Variants in WWOX observed in about 807,000 individuals in gnomAD.
WWOX encodes the protein WW domain containing oxidoreductase.
In WWOX, 69 loss-of-function variants were observed where a neutral mutation model predicts 46.2. The observed-to-expected ratio is 1.49, with a 90% CI of 1.23 to 1.82. The LOEUF is 1.82. WWOX is among the 40% of genes most tolerant of loss of function. WWOX has a pLI of 0.00. For synonymous variants in WWOX, 359 were observed against 202.6 expected (o/e 1.77, Z -6.56); for missense variants, 919 against 542.6 (o/e 1.69, Z -6.89).
At chr16:78,296,812 A>G (rs534676457) in intron 5 of WWOX, among the ~76,000 whole-genome samples, 1 of 152,184 alleles carries the variant, frequency 6.6e-6, no homozygotes, top group South Asian at 2.1e-4. Context: ...GAATTGATGC[A>G]CCTAAAGGAG....
intron 8 of WWOX, among the ~76,000 whole-genome samples, chr16:78,700,312 C>CAGAGAGAGAGAGAGAG (rs55638553): frequency 5.4e-5 from 7 of 130,550 alleles, no homozygotes; most frequent in African/African-American, 2.0e-4. Context: ...ACTTAGTAGA[C>CAGAGAGAGAGAGAGAG]AGAGAGAGAG....
intron 8 of WWOX, chr16:78,890,244 T>G (rs2044559755): frequency 2.0e-5 from 3 of 151,914 alleles, no homozygotes; most frequent in Non-Finnish European, 4.4e-5. Context: ...ATGGAAGTTC[T>G]GAAAATAAAT....
At chr16:78,587,976 T>C (rs2045258460) in intron 8 of WWOX, among the ~76,000 whole-genome samples, 1 of 152,240 alleles carries the variant, frequency 6.6e-6, no homozygotes, top group African/African-American at 2.4e-5. Context: ...TCACCTGGTC[T>C]TTTGTAGTTG....
At chr16:79,192,980 T>G (rs1430100835) in intron 8 of WWOX, among the ~76,000 whole-genome samples, 4 of 152,238 alleles carry the variant, frequency 2.6e-5, no homozygotes, top group Admixed American at 6.5e-5. Context: ...CTCACATTCC[T>G]TTCTGCTACT....
At chr16:78,974,110 T>C (rs543001933) in intron 8 of WWOX, among the ~76,000 whole-genome samples, 37 of 152,366 alleles carry the variant, frequency 2.4e-4, no homozygotes, top group African/African-American at 8.7e-4. Context: ...ACTCTCCTCA[T>C]TTCTGCGCTT....
chr16:78,179,634 C>G (rs1042849486), intron 5 of WWOX: 1 of 152,140 alleles, frequency 6.6e-6, no homozygotes, highest in African/African-American at 2.4e-5. Flanking sequence ...GTGCTAAGCA[C>G]TTTAAATGCA....
chr16:78,302,897 A>T (rs1481598641), intron 5 of WWOX, among the ~76,000 whole-genome samples: 1 of 152,190 alleles, frequency 6.6e-6, no homozygotes, highest in African/African-American at 2.4e-5. Context: ...TGCTGCAGGA[A>T]ATTTCCCTGT....
At chr16:78,874,502 C>T (rs1433294091) in intron 8 of WWOX, among the ~76,000 whole-genome samples, 2 of 151,958 alleles carry the variant, frequency 1.3e-5, no homozygotes, top group South Asian at 2.1e-4. Context: ...GATGTGGTGC[C>T]TGGCCAGGGC....
intron 8 of WWOX, among the ~76,000 whole-genome samples, chr16:78,488,992 C>T (rs77079021): frequency 0.047 from 7,112 of 152,266 alleles, 254 homozygotes; most frequent in Non-Finnish European, 0.07. Flanking sequence ...CACAGAACTT[C>T]GCAGTCTCTG....
chr16:78,178,417 T>A (rs1432886760), intron 5 of WWOX, among the ~76,000 whole-genome samples: 2 of 152,238 alleles, frequency 1.3e-5, no homozygotes, highest in African/African-American at 4.8e-5. Flanking sequence ...CTGCTACGCT[T>A]TTATTCTAGA....
intron 8 of WWOX, among the ~76,000 whole-genome samples, chr16:79,137,240 A>G (rs1111230): frequency 0.62 from 94,950 of 152,056 alleles, 31,738 homozygotes; most frequent in African/African-American, 0.87. Context: ...TCCTCGATAG[A>G]CCTTATAGAA....
chr16:79,116,529 T>C (rs971551466), intron 8 of WWOX, among the ~76,000 whole-genome samples: 4 of 152,198 alleles, frequency 2.6e-5, no homozygotes, highest in African/African-American at 9.7e-5. Flanking sequence ...TCTTTGCTCA[T>C]CTCTAAGAAG....
At chr16:78,845,715 A>G (rs1254395515) in intron 8 of WWOX, among the ~76,000 whole-genome samples, 1 of 152,130 alleles carries the variant, frequency 6.6e-6, no homozygotes, top group Non-Finnish European at 1.5e-5. Context: ...CCTTCCAGAC[A>G]CTCATTTTAA....
intron 8 of WWOX, among the ~76,000 whole-genome samples, chr16:78,816,261 C>A (rs890923731): frequency 6.6e-6 from 1 of 152,176 alleles, no homozygotes; most frequent in African/African-American, 2.4e-5. Context: ...GCACCCTTTT[C>A]TTTTCTAGCA....
chr16:78,998,025 C>T (rs1052319872), intron 8 of WWOX, among the ~76,000 whole-genome samples: 23 of 152,162 alleles, frequency 1.5e-4, no homozygotes, highest in Non-Finnish European at 2.6e-4. Context: ...TACAGGCATG[C>T]GCCACCATAC....
At chr16:78,951,735 C>T (rs1026695306) in intron 8 of WWOX, among the ~76,000 whole-genome samples, 2 of 152,070 alleles carry the variant, frequency 1.3e-5, no homozygotes, top group African/African-American at 4.8e-5. Context: ...GAGGCCTGGG[C>T]CCATGGAAGG....
At chr16:79,060,628 C>T (rs751742287) in intron 8 of WWOX, among the ~76,000 whole-genome samples, 7 of 152,242 alleles carry the variant, frequency 4.6e-5, no homozygotes, top group African/African-American at 7.2e-5. Flanking sequence ...AGCAACTGGA[C>T]ACTTGAAGAG....
chr16:79,006,898 C>T (rs916362918), intron 8 of WWOX, among the ~76,000 whole-genome samples: 4 of 152,202 alleles, frequency 2.6e-5, no homozygotes, highest in African/African-American at 4.8e-5. Context: ...GATAGTTTTG[C>T]ACCCACTGGA....
At chr16:78,478,428 G>A (rs557963064) in intron 8 of WWOX, among the ~76,000 whole-genome samples, 4 of 152,200 alleles carry the variant, frequency 2.6e-5, no homozygotes, top group African/African-American at 9.6e-5. Context: ...CCACCCCGGG[G>A]TTCCTTTTCA....
Sources: gnomAD v4.1 joint callset for allele counts (sites outside exome capture counted in the v4.1 genomes callset) on GRCh38, gnomAD v4.1.1 for gene constraint, MANE v1.5 for transcripts, NCBI Gene and HGNC (gene_info 2026-07-23, HGNC 2026-07-21) for gene names.